Variants in LCP1 observed in about 807,000 individuals in gnomAD.
LCP1 encodes lymphocyte cytosolic protein 1.
In LCP1, 23 loss-of-function variants were observed where a neutral mutation model predicts 72.0. The observed-to-expected ratio is 0.32, with a 90% CI of 0.23 to 0.45. The LOEUF (loss-of-function observed/expected upper bound fraction) is 0.45, where lower values mean the gene tolerates loss of function less well. Ranked by LOEUF, LCP1 falls within the 20% of genes least tolerant of loss-of-function variation. The pLI is 1.00. For missense variants in LCP1, 571 were observed against 748.3 expected (o/e 0.76, Z 2.76); for synonymous variants, 245 against 275.4 (o/e 0.89, Z 1.09).
rs1349530418 is a variant in LCP1, at chr13:46,127,687, T to C, written c.1788A>G (p.Arg596=). The part of the protein sequence containing the change: ...AISMARKIGA[R]VYALPEDLVE... ...CCAGGTCTTCTGGCAGGGCATACACTCTTGCTCCAATTTTTCGGGCCATAG... is the reference window on the plus strand; with the variant it reads ...CCAGGTCTTCTGGCAGGGCATACACCCTTGCTCCAATTTTTCGGGCCATAG... Residue 596 remains arginine, a synonymous_variant, in exon 16 of 16, where the codon AGA becomes AGG. Coordinates refer to ENST00000323076, the MANE Select transcript of LCP1 (RefSeq NM_002298.5). 1.9e-6 allele frequency: 3 copies of C among 1,614,122 alleles called. No individual in the cohort carries two copies. In the South Asian group the frequency reaches 3.3e-5, roughly 18 times the overall value.
Position 46,144,464 on chromosome 13 carries a change from G to T in LCP1, c.1231C>A (p.Pro411Thr). Residue 411 changes from proline to threonine, a missense_variant, in exon 11 of 16, where the codon CCT becomes ACT. Coordinates refer to ENST00000323076, the MANE Select transcript of LCP1 (RefSeq NM_002298.5). ...TACCTGTACAAATGATTGACTCGAG[G>T]GTTAACACCCAGGGAGTTCATCCAG... ...RNWMNSLGVN[P>T]RVNHLYSDLS... is the part of the protein sequence containing the mutation. The T allele has an allele frequency of 1.2e-6, 2 of 1,613,694 alleles. No homozygotes were observed. Among genetic ancestry groups the T allele is most frequent in the Non-Finnish European group, 8.5e-7 (1 of 1,179,604 alleles).
chr13:46,176,815 C>T (rs1222827127), intron 1 of LCP1, among the ~76,000 whole-genome samples: 1 of 151,750 alleles, frequency 6.6e-6, no homozygotes, highest in African/African-American at 2.4e-5. Context: ...TTTAGCTTAT[C>T]CAGTCAAGAA....
rs75758008 is a variant in LCP1 at position 46,141,450 on chromosome 13, A to C, written c.1502+842T>G. Among the ~76,000 whole-genome samples, 358 of 151,570 alleles carry C rather than the reference A, an allele frequency of 2.4e-3. 1 individual carries two copies. Among genetic ancestry groups the C allele is most frequent in the African/African-American group, 8.1e-3 (337 of 41,416 alleles). ...AAGAAACAACAATGTACATCATAAT[A>C]AAATTACCTAAAACCTGTAATAAAG... is the stretch of plus-strand genomic sequence containing the variant. On this transcript the variant is annotated intron_variant, in intron 13 of 15. Transcript: ENST00000323076.
intron 5 of LCP1, among the ~76,000 whole-genome samples, chr13:46,155,953 T>C (rs969745594): frequency 2.6e-5 from 4 of 152,220 alleles, no homozygotes; most frequent in African/African-American, 9.7e-5. Flanking sequence ...TCCAAAAATA[T>C]ATAACCAGGA....
rs569771020 is a variant in LCP1, at chr13:46,160,432, C to G, written c.-24-746G>C. The stretch of plus-strand genomic sequence containing the variant: ...AAATGTCTTTTTTAAGAGGTATCTT[C>G]GTGTTCATATTTAAAATTAGTATTT... On this transcript the variant is annotated intron_variant, in intron 1 of 15. Coordinates refer to ENST00000323076, the MANE Select transcript of LCP1 (RefSeq NM_002298.5). Among the ~76,000 whole-genome samples the G allele has an allele frequency of 2.6e-5, 4 of 152,266 alleles. No individual in the cohort carries two copies. The East Asian group carries it at 7.7e-4, about 29-fold the overall frequency.
intron 8 of LCP1, among the ~76,000 whole-genome samples, chr13:46,149,206 G>A (rs931274834): frequency 5.9e-5 from 9 of 152,104 alleles, no homozygotes; most frequent in Admixed American, 2.0e-4. Flanking sequence ...CATAAAGATC[G>A]AAAAATCAGC....
intron 1 of LCP1, among the ~76,000 whole-genome samples, chr13:46,163,117 G>T (rs1306709847): frequency 1.3e-5 from 2 of 152,124 alleles, no homozygotes; most frequent in Non-Finnish European, 2.9e-5. Flanking sequence ...CTGCCCGGCC[G>T]CCACCCCGTC....
intron 1 of LCP1, among the ~76,000 whole-genome samples, chr13:46,175,639 T>C (rs1263457108): frequency 6.6e-6 from 1 of 152,074 alleles, no homozygotes; most frequent in Non-Finnish European, 1.5e-5. Context: ...ACTGTCATTC[T>C]CAGTGGTCAC....
intron 13 of LCP1, among the ~76,000 whole-genome samples, chr13:46,136,701 T>A (rs1468451220): frequency 1.3e-5 from 2 of 152,212 alleles, no homozygotes; most frequent in Admixed American, 1.3e-4. Context: ...CATATTAAGT[T>A]ATTAGCATTT....
In LCP1 at chr13:46,126,528, TG is replaced by T; in HGVS notation, c.*1062del. 4.3e-6 allele frequency: 1 copy of T among 232,388 alleles called. No homozygotes were observed. Among genetic ancestry groups the T allele is most frequent in the South Asian group, 1.8e-4 (1 of 5,516 alleles). 14.4% of individuals were successfully genotyped at this position (232,388 alleles called of 1,614,324 possible). On this transcript the variant is annotated 3_prime_UTR_variant, in exon 16 of 16. Coordinates refer to ENST00000323076, the MANE Select transcript of LCP1 (RefSeq NM_002298.5). ...TATTGTCCCCCCTGGAGTTTAGGGG[TG>T]GCAGAAAGCTTTTATAGTACCAAAA...
intron 15 of LCP1, among the ~76,000 whole-genome samples, chr13:46,129,096 C>T (rs2045618799): frequency 6.6e-6 from 1 of 152,154 alleles, no homozygotes; most frequent in South Asian, 2.1e-4. Flanking sequence ...CATTATAAAA[C>T]ACAGAGGGAA....
Position 46,150,928 on chromosome 13 carries a change from C to T in LCP1, c.882+8G>A, listed in dbSNP as rs1269487505. On this transcript the variant is annotated splice_region_variant and intron_variant, in intron 8 of 15. Coordinates refer to ENST00000323076, the MANE Select transcript of LCP1 (RefSeq NM_002298.5). ...CAGAGAGTCATGTTCAAACAACGCT[C>T]CTCCTACCTTGATGTCAGTACTGAA... 6.2e-7 allele frequency: 1 copy of T among 1,612,406 alleles called. No homozygotes were observed. Among genetic ancestry groups the T allele is most frequent in the African/African-American group, 1.3e-5 (1 of 74,844 alleles).
intron 1 of LCP1, among the ~76,000 whole-genome samples, chr13:46,162,827 C>A (rs1593959770): frequency 6.6e-6 from 1 of 151,856 alleles, no homozygotes; most frequent in Non-Finnish European, 1.5e-5. Context: ...GCGCCTCTGC[C>A]CGGCCGCGAC....
At position 46,146,820 on chromosome 13, in the gene LCP1, T is replaced by C. The variant is rs1434410328; in HGVS notation, c.1174+88A>G. ...GGCCTGTTTGCACATGTAAATAGTT[T>C]ATATTTGCTTAGGAAGTGAGTTTGA... is the stretch of plus-strand genomic sequence containing the variant. On this transcript the variant is annotated intron_variant, in intron 10 of 15. Transcript: ENST00000323076. The C allele has an allele frequency of 3.1e-6, 4 of 1,301,306 alleles. No homozygotes were observed. In the East Asian group the frequency reaches 9.2e-5, roughly 30 times the overall value. The allele number at this position is 1,301,306 out of a possible 1,614,324, so 80.6% of individuals were successfully genotyped here. A position where few individuals can be genotyped will look rare whatever the true frequency, so the allele number is the denominator to read the frequency against.
intron 11 of LCP1, among the ~76,000 whole-genome samples, chr13:46,143,894 G>A (rs773230195): frequency 2.0e-5 from 3 of 152,078 alleles, no homozygotes; most frequent in Non-Finnish European, 2.9e-5. Context: ...GTGGAACCCC[G>A]TCTCTACTAA....
At chr13:46,154,928 A>G (rs1489450569) in intron 5 of LCP1, 42 bp from the exon 6 acceptor site, 1 of 1,457,376 alleles carries the variant, frequency 6.9e-7, no homozygotes, top group Admixed American at 1.7e-5. Flanking sequence ...AGTCTTCTGA[A>G]TAACAGAGCC....
chr13:46,176,871 TTATTTG>T (rs1204682440), intron 1 of LCP1, among the ~76,000 whole-genome samples: 4 of 135,132 alleles, frequency 3.0e-5, no homozygotes, highest in African/African-American at 5.7e-5. Context: ...GTATGTGTGT[TTATTTG>T]TGTGTGTGTG....
chr13:46,167,864 T>C (rs922270474), intron 1 of LCP1, among the ~76,000 whole-genome samples: 9 of 152,180 alleles, frequency 5.9e-5, no homozygotes, highest in Admixed American at 5.9e-4. Flanking sequence ...ATGCAGCACA[T>C]GGATTACAGC....
chr13:46,151,133 G>T lies in LCP1; in HGVS notation c.740-55C>A. ...AAATGCAGCGATGTTGGGGGAGGGG[G>T]GTTGGTTATAACTTTCATTAAGCTC... On this transcript the variant is annotated intron_variant, in intron 7 of 15. Transcript: ENST00000323076. 1.9e-6 allele frequency: 3 copies of T among 1,558,076 alleles called. No homozygotes were observed. In the Admixed American group the frequency reaches 6.1e-5, roughly 32 times the overall value.
Sources: gnomAD v4.1 joint callset for allele counts (sites outside exome capture counted in the v4.1 genomes callset) on GRCh38, gnomAD v4.1.1 for gene constraint, MANE v1.5 for transcripts, NCBI Gene and HGNC (gene_info 2026-07-23, HGNC 2026-07-21) for gene names.